The following RBFOX1 variants were observed in gnomAD, a reference collection of about 807,000 sequenced individuals.
The protein encoded by RBFOX1 is RNA binding protein fox-1 homolog 1.
In RBFOX1, 8 loss-of-function variants were observed where a neutral mutation model predicts 57.7. That is an observed-to-expected ratio of 0.14 (90% CI 0.08 to 0.25). The LOEUF is 0.25. Among genes scored for constraint, RBFOX1 ranks in the 10% least tolerant of loss-of-function variants. The pLI is 1.00. For synonymous variants in RBFOX1, 326 were observed against 222.4 expected (o/e 1.47, Z -4.15); for missense variants, 611 against 548.5 (o/e 1.11, Z -1.14).
intron 3 of RBFOX1, among the ~76,000 whole-genome samples, chr16:6,875,535 T>C (rs992241400): frequency 6.6e-6 from 1 of 152,198 alleles, no homozygotes; most frequent in Non-Finnish European, 1.5e-5. Flanking sequence ...AGACTATGAA[T>C]TATGTTTATG....
At chr16:7,473,758 G>C (rs958888712) in intron 4 of RBFOX1, among the ~76,000 whole-genome samples, 2 of 151,964 alleles carry the variant, frequency 1.3e-5, no homozygotes, top group African/African-American at 4.8e-5. Flanking sequence ...TCCACTTCTT[G>C]GCTGTGTTCA....
rs138022158 is a variant in RBFOX1 at position 6,850,809 on chromosome 16, A to G, written c.-16+196159A>G. Reference sequence around the variant, plus strand: ...AATGACTTAATCACTTTGGAAAATCATCTCTCATTTTCTTGTAGAACTAAG... The same window carrying G: ...AATGACTTAATCACTTTGGAAAATCGTCTCTCATTTTCTTGTAGAACTAAG... On this transcript the variant is annotated intron_variant, in intron 3 of 15. Coordinates refer to ENST00000550418, the MANE Select transcript of RBFOX1 (RefSeq NM_018723.4). Among the ~76,000 whole-genome samples the G allele has an allele frequency of 7.1e-3, 1,078 of 152,336 alleles. 14 individuals carry two copies. Among genetic ancestry groups the G allele is most frequent in the African/African-American group, 0.025 (1,022 of 41,570 alleles).
At chr16:7,049,047 G>T (rs548282303) in intron 3 of RBFOX1, among the ~76,000 whole-genome samples, 3 of 152,144 alleles carry the variant, frequency 2.0e-5, no homozygotes, top group African/African-American at 7.2e-5. Flanking sequence ...TTTAGGGTCA[G>T]ATACAGACAT....
chr16:5,787,880 C>T (rs1352414882), intron 3 of RBFOX1, among the ~76,000 whole-genome samples: 3 of 152,210 alleles, frequency 2.0e-5, no homozygotes, highest in Non-Finnish European at 2.9e-5. Flanking sequence ...TCCAAGTCAA[C>T]TAAGGAACTT....
intron 4 of RBFOX1, among the ~76,000 whole-genome samples, chr16:7,087,888 CTT>C (rs1407984921): frequency 6.6e-6 from 1 of 152,086 alleles, no homozygotes; most frequent in Non-Finnish European, 1.5e-5. Context: ...CTCTGTCTCT[CTT>C]TCTCTTTCTC....
chr16:7,053,586 A>G (rs1264092068), intron 4 of RBFOX1, among the ~76,000 whole-genome samples: 1 of 152,222 alleles, frequency 6.6e-6, no homozygotes, highest in Admixed American at 6.5e-5. Context: ...TCTCTATTGC[A>G]AATGACACTT....
chr16:7,119,371 C>T (rs978397009), intron 4 of RBFOX1, among the ~76,000 whole-genome samples: 4 of 152,020 alleles, frequency 2.6e-5, no homozygotes, highest in Non-Finnish European at 4.4e-5. Context: ...GCCATGATGC[C>T]AGCCTCTAGA....
At chr16:5,492,489 G>T (rs1458225137) in intron 2 of RBFOX1, among the ~76,000 whole-genome samples, 1 of 152,180 alleles carries the variant, frequency 6.6e-6, no homozygotes, top group African/African-American at 2.4e-5. Flanking sequence ...GTTTATCCCT[G>T]GAGGATGCAG....
intron 3 of RBFOX1, among the ~76,000 whole-genome samples, chr16:6,864,124 T>C (rs2059505878): frequency 6.6e-6 from 1 of 151,934 alleles, no homozygotes. Context: ...CGAAGGAGTC[T>C]CTTTAGCAGG....
chr16:5,301,640 A>C (rs2063809836), intron 1 of RBFOX1, among the ~76,000 whole-genome samples: 2 of 145,426 alleles, frequency 1.4e-5, no homozygotes, highest in African/African-American at 5.0e-5. Context: ...AAAAAAAAAC[A>C]CACAAAAACA....
chr16:6,172,080 C>A (rs1385026475), intron 1 of RBFOX1, among the ~76,000 whole-genome samples: 1 of 152,080 alleles, frequency 6.6e-6, no homozygotes, highest in African/African-American at 2.4e-5. Context: ...CTCTGCCTCC[C>A]AAAGTGCTGG....
chr16:6,570,632 C>T (rs942490633), intron 2 of RBFOX1, among the ~76,000 whole-genome samples: 2 of 152,016 alleles, frequency 1.3e-5, no homozygotes, highest in African/African-American at 4.8e-5. Flanking sequence ...CATATAAAGA[C>T]AAAGCACCTT....
intron 4 of RBFOX1, among the ~76,000 whole-genome samples, chr16:7,254,428 T>C (rs2094597840): frequency 6.6e-6 from 1 of 152,144 alleles, no homozygotes; most frequent in South Asian, 2.1e-4. Flanking sequence ...TGCCAAGATA[T>C]CACTGGCCTG....
At chr16:6,546,736 C>G in intron 2 of RBFOX1, among the ~76,000 whole-genome samples, 1 of 152,262 alleles carries the variant, frequency 6.6e-6, no homozygotes, top group South Asian at 2.1e-4. Flanking sequence ...AAGGGTTTAT[C>G]TGTCTTTTTG....
chr16:6,351,340 GTGTGTGTGTGTGTATATATA>G, intron 2 of RBFOX1, among the ~76,000 whole-genome samples: 1 of 101,990 alleles, frequency 9.8e-6, no homozygotes. Flanking sequence ...GTGTGTGTGT[GTGTGTGTGTGTGTATATATA>G]TATATATATA....
At chr16:7,181,117 G>A (rs2082610102) in intron 4 of RBFOX1, among the ~76,000 whole-genome samples, 1 of 152,210 alleles carries the variant, frequency 6.6e-6, no homozygotes, top group Non-Finnish European at 1.5e-5. Context: ...CCAGGGATTT[G>A]GAGATAGGCT....
At chr16:6,826,046 C>A (rs1336223850) in intron 3 of RBFOX1, among the ~76,000 whole-genome samples, 1 of 151,950 alleles carries the variant, frequency 6.6e-6, no homozygotes, top group African/African-American at 2.4e-5. Flanking sequence ...CAGAGGTGGT[C>A]CACGTTCATT....
intron 2 of RBFOX1, among the ~76,000 whole-genome samples, chr16:6,577,523 A>T (rs1453791540): frequency 6.6e-6 from 1 of 152,178 alleles, no homozygotes; most frequent in Non-Finnish European, 1.5e-5. Flanking sequence ...AATCTCAGTG[A>T]TATAACACAA....
intron 3 of RBFOX1, among the ~76,000 whole-genome samples, chr16:6,893,922 C>T (rs898940665): frequency 6.6e-6 from 1 of 152,100 alleles, no homozygotes; most frequent in Non-Finnish European, 1.5e-5. Flanking sequence ...GCAAGCTGAC[C>T]TGGAGAATGA....
Sources: allele counts gnomAD v4.1 joint callset (sites outside exome capture counted in the v4.1 genomes callset), GRCh38; gene constraint gnomAD v4.1.1; transcripts MANE v1.5; gene names NCBI Gene and HGNC (gene_info 2026-07-23, HGNC 2026-07-21).